SORCS3: variants seen among roughly 807,000 people sequenced by gnomAD.
The protein encoded by SORCS3 is VPS10 domain-containing receptor SorCS3.
Under a neutral mutation model 146.3 loss-of-function variants are expected in SORCS3, and 57 were observed. The observed-to-expected ratio is 0.39, with a 90% CI of 0.31 to 0.49. The LOEUF (loss-of-function observed/expected upper bound fraction) is 0.49, where lower values mean the gene tolerates loss of function less well. Ranked by LOEUF, SORCS3 falls within the 20% of genes least tolerant of loss-of-function variation. The pLI is 0.92. For missense variants in SORCS3, 1,341 were observed against 1,575.5 expected, an observed-to-expected ratio of 0.85 and a Z score of 2.52; for synonymous variants, 653 against 618.5, an observed-to-expected ratio of 1.06 and a Z score of -0.83.
chr10:104,941,583 A>G (rs2019321345), intron 3 of SORCS3, among the ~76,000 whole-genome samples: 1 of 152,100 alleles, frequency 6.6e-6, no homozygotes, highest in Non-Finnish European at 1.5e-5. Flanking sequence ...CTCCCATTAG[A>G]GTTTCTGCCA....
intron 16 of SORCS3, among the ~76,000 whole-genome samples, chr10:105,209,758 A>G (rs2056623243): frequency 6.6e-6 from 1 of 152,176 alleles, no homozygotes; most frequent in Non-Finnish European, 1.5e-5. Context: ...AAGAGGGTTG[A>G]AAAGGCTGGC....
chr10:104,984,153 G>C (rs2054948585), intron 4 of SORCS3, among the ~76,000 whole-genome samples: 1 of 152,094 alleles, frequency 6.6e-6, no homozygotes, highest in South Asian at 2.1e-4. Flanking sequence ...TTTCTCAAAA[G>C]AAATGTTAGA....
chr10:105,179,041 T>A (rs1315420323), intron 14 of SORCS3, among the ~76,000 whole-genome samples: 1 of 152,210 alleles, frequency 6.6e-6, no homozygotes, highest in African/African-American at 2.4e-5. Flanking sequence ...CTTTTTCCAA[T>A]GGTGATGGAC....
chr10:104,893,078 C>T (rs191966625), intron 2 of SORCS3, among the ~76,000 whole-genome samples: 74 of 152,254 alleles, frequency 4.9e-4, no homozygotes, highest in African/African-American at 1.7e-3. Flanking sequence ...CTGTTTGTTT[C>T]CATTGTGCGT....
intron 6 of SORCS3, among the ~76,000 whole-genome samples, chr10:105,098,379 A>G (rs1210684813): frequency 1.3e-5 from 2 of 152,232 alleles, no homozygotes; most frequent in African/African-American, 4.8e-5. Context: ...CCCACATTAT[A>G]TTACATTCCA....
intron 1 of SORCS3, among the ~76,000 whole-genome samples, chr10:104,701,419 G>A (rs535342036): frequency 2.8e-4 from 42 of 152,220 alleles, no homozygotes; most frequent in East Asian, 9.6e-4. Context: ...CTTAACAATC[G>A]GTCTTTGTCT....
chr10:105,199,945 C>A (rs555220406), intron 14 of SORCS3, 54 bp from the exon 15 acceptor site: 3 of 1,290,880 alleles, frequency 2.3e-6, no homozygotes, highest in East Asian at 4.6e-5. Flanking sequence ...GCATTAGTGA[C>A]TGACTATGGG....
intron 20 of SORCS3, among the ~76,000 whole-genome samples, chr10:105,235,924 A>T (rs1004653331): frequency 1.3e-5 from 2 of 152,140 alleles, no homozygotes; most frequent in African/African-American, 4.8e-5. Context: ...AATATATAGT[A>T]AAACTATACT....
intron 3 of SORCS3, among the ~76,000 whole-genome samples, chr10:104,952,365 C>T (rs1225758707): frequency 4.0e-5 from 6 of 150,906 alleles, no homozygotes; most frequent in Admixed American, 2.0e-4. Flanking sequence ...GTCCACAGAC[C>T]AGCAGCATTG....
chr10:104,780,368 G>A (rs1472977538), intron 1 of SORCS3, among the ~76,000 whole-genome samples: 1 of 152,150 alleles, frequency 6.6e-6, no homozygotes, highest in African/African-American at 2.4e-5. Flanking sequence ...GAGGTGGAAA[G>A]GGAAGCTATT....
intron 1 of SORCS3, among the ~76,000 whole-genome samples, chr10:104,703,202 G>C (rs1013176994): frequency 1.3e-5 from 2 of 152,150 alleles, no homozygotes. Context: ...TTCGGGTTGA[G>C]GGCCAGGGCA....
At chr10:104,706,356 G>GCC (rs1238084175) in intron 1 of SORCS3, among the ~76,000 whole-genome samples, 9 of 151,524 alleles carry the variant, frequency 5.9e-5, no homozygotes, top group African/African-American at 2.2e-4. Context: ...CTACAGGCGT[G>GCC]CACCACCACG....
intron 5 of SORCS3, among the ~76,000 whole-genome samples, chr10:105,085,024 C>T (rs966438423): frequency 7.9e-5 from 12 of 152,180 alleles, no homozygotes; most frequent in Non-Finnish European, 1.8e-4. Flanking sequence ...GCCACCGCGC[C>T]CGGCCAAGGC....
intron 14 of SORCS3, among the ~76,000 whole-genome samples, chr10:105,198,554 C>T (rs2056556816): frequency 6.6e-6 from 1 of 152,110 alleles, no homozygotes; most frequent in Non-Finnish European, 1.5e-5. Context: ...AATGGAAATA[C>T]CTTAGTGGAT....
chr10:105,009,251 T>G (rs192416829), intron 4 of SORCS3, among the ~76,000 whole-genome samples: 1 of 152,134 alleles, frequency 6.6e-6, no homozygotes, highest in Non-Finnish European at 1.5e-5. Context: ...AGAAACTAAT[T>G]TTTTAGGAGA....
chr10:105,092,669 A>G (rs2055718720), intron 6 of SORCS3, among the ~76,000 whole-genome samples: 1 of 151,860 alleles, frequency 6.6e-6, no homozygotes, highest in Non-Finnish European at 1.5e-5. Flanking sequence ...ATCATCAAAA[A>G]TACAAAAATG....
At chr10:104,745,888 A>G (rs887774066) in intron 1 of SORCS3, among the ~76,000 whole-genome samples, 4 of 152,172 alleles carry the variant, frequency 2.6e-5, no homozygotes, top group African/African-American at 9.7e-5. Context: ...AGGTTCTTGT[A>G]TGTTGTCACA....
chr10:104,804,982 T>C (rs1050060850), intron 1 of SORCS3, among the ~76,000 whole-genome samples: 6 of 152,290 alleles, frequency 3.9e-5, no homozygotes, highest in Middle Eastern at 3.4e-3. Flanking sequence ...AGTAGATCCA[T>C]GAGAGAAGAC....
At chr10:104,891,492 TAA>T (rs1589538413) in intron 2 of SORCS3, among the ~76,000 whole-genome samples, 1 of 152,268 alleles carries the variant, frequency 6.6e-6, no homozygotes, top group East Asian at 1.9e-4. Flanking sequence ...GGGCTTCACC[TAA>T]GTTACTTTTC....
Sources: allele counts gnomAD v4.1 joint callset (sites outside exome capture counted in the v4.1 genomes callset), GRCh38; gene constraint gnomAD v4.1.1; transcripts MANE v1.5; gene names NCBI Gene and HGNC (gene_info 2026-07-23, HGNC 2026-07-21).